Variants in DHX32 observed in about 807,000 individuals in gnomAD.
DHX32 encodes the protein DEAH-box helicase 32 (putative), also known as putative pre-mRNA-splicing factor ATP-dependent RNA helicase DHX32.
Under a neutral mutation model 70.0 loss-of-function variants are expected in DHX32, and 51 were observed. The observed-to-expected ratio is 0.73, with a 90% CI of 0.58 to 0.92. The LOEUF is 0.92. Among genes scored for constraint, DHX32 ranks in the 40% least tolerant of loss-of-function variants. DHX32 has a pLI of 0.00. For synonymous variants in DHX32, 310 were observed against 315.3 expected (o/e 0.98, Z 0.18); for missense variants, 762 against 891.8 (o/e 0.85, Z 1.85).
intron 6 of DHX32, among the ~76,000 whole-genome samples, chr10:125,849,930 A>G (rs1347808679): frequency 6.6e-6 from 1 of 152,056 alleles, no homozygotes; most frequent in African/African-American, 2.4e-5. Flanking sequence ...CTCTGGTGAA[A>G]GATCTGCACC....
rs1944122696 is a variant in DHX32, at chr10:125,853,871, T to C, written c.1092+90A>G. ...AATCCCCAGGTCACATAGTTCATCC[T>C]CACTTCCTGATCAGTAAAATGGTAG... On this transcript the variant is annotated intron_variant, in intron 4 of 10. Transcript: ENST00000284690. 3 of 1,483,242 alleles carry C rather than the reference T, an allele frequency of 2.0e-6. No homozygotes were observed. The South Asian group carries it at 4.1e-5, about 20-fold the overall frequency. The allele number at this position is 1,483,242 out of a possible 1,614,324, so 91.9% of individuals were successfully genotyped here.
chr10:125,851,692 C>T (rs566607735), intron 6 of DHX32, among the ~76,000 whole-genome samples: 9 of 152,194 alleles, frequency 5.9e-5, no homozygotes, highest in South Asian at 2.1e-4. Context: ...GCTGGTTATT[C>T]TGAGAAACTG....
intron 3 of DHX32, among the ~76,000 whole-genome samples, chr10:125,855,424 A>C (rs1475905060): frequency 6.7e-6 from 1 of 149,820 alleles, no homozygotes; most frequent in Non-Finnish European, 1.5e-5. Flanking sequence ...CCCATTCATG[A>C]GCAATTTCCT....
chr10:125,889,115 C>A (rs149450641), intron 1 of DHX32, among the ~76,000 whole-genome samples: 5 of 152,220 alleles, frequency 3.3e-5, no homozygotes, highest in African/African-American at 1.2e-4. Flanking sequence ...AGGAAACATC[C>A]GTCTATATTG....
chr10:125,892,018 TG>T (rs1226916447), intron 1 of DHX32, among the ~76,000 whole-genome samples: 2 of 152,200 alleles, frequency 1.3e-5, no homozygotes, highest in Non-Finnish European at 2.9e-5. Flanking sequence ...CAGACCCACA[TG>T]TCCAACTACT....
chr10:125,888,546 G>A (rs1433366109), intron 1 of DHX32, among the ~76,000 whole-genome samples: 1 of 152,168 alleles, frequency 6.6e-6, no homozygotes, highest in Non-Finnish European at 1.5e-5. Context: ...TCATATATTT[G>A]CATGAAGGGT....
intron 2 of DHX32, among the ~76,000 whole-genome samples, chr10:125,861,041 C>T (rs1007815297): frequency 2.0e-5 from 3 of 151,888 alleles, no homozygotes; most frequent in Admixed American, 6.6e-5. Context: ...CGTGAGCCAC[C>T]GCGCCCGGCC....
Position 125,859,677 on chromosome 10 carries a change from T to C in DHX32, c.775A>G (p.Ile259Val), listed in dbSNP as rs985619832. The C allele has an allele frequency of 4.3e-6, 7 of 1,613,296 alleles. No homozygotes were observed. In the East Asian group the frequency reaches 1.1e-4, roughly 26 times the overall value. The change falls in exon 3 of 11, where the codon ATT (isoleucine) becomes GTT (valine). Residue 259 changes from isoleucine (I) to valine (V), a missense_variant. By Grantham distance (29) the Ile-to-Val change is conservative. This residue lies in a region of DHX32 where 394 missense variants were observed against 473.1 expected (regional missense o/e 0.83). Coordinates refer to ENST00000284690, the MANE Select transcript of DHX32 (RefSeq NM_018180.3). ...TGAATTTCAAAGATAAGGCGTAAAA[T>C]AGACTCAAAAGAATCCTTTTGAGCC... Reference protein sequence around the residue: ...SEAQKDSFESILRLIFEIHHS... With the variant: ...SEAQKDSFESVLRLIFEIHHS...
At chr10:125,853,089 A>G in intron 4 of DHX32, 1 of 1,454,340 alleles carries the variant, frequency 6.9e-7, no homozygotes, top group Non-Finnish European at 9.5e-7. Context: ...CTAATACAGA[A>G]ACTGCGTATG....
chr10:125,876,205 C>T (rs1465599792), intron 1 of DHX32, among the ~76,000 whole-genome samples: 1 of 152,176 alleles, frequency 6.6e-6, no homozygotes, highest in Non-Finnish European at 1.5e-5. Flanking sequence ...ATTCCTTAGC[C>T]CCCTGCCCAC....
At chr10:125,881,795 C>T (rs946396720), upstream of DHX32, among the ~76,000 whole-genome samples, 1 of 152,154 alleles carries the variant, frequency 6.6e-6, no homozygotes, top group African/African-American at 2.4e-5. Flanking sequence ...GTGTACACCA[C>T]TATGTCCAGC....
chr10:125,853,783 G>A, intron 4 of DHX32, 178 bp downstream of exon 4: 2 of 664,416 alleles, frequency 3.0e-6, no homozygotes, highest in East Asian at 2.9e-5. Context: ...ACATGCTAAT[G>A]GAATCAAGAC....
chr10:125,872,999 A>G (rs10794029), intron 1 of DHX32, among the ~76,000 whole-genome samples: 118,347 of 152,220 alleles, frequency 0.78, 46,345 homozygotes, highest in South Asian at 0.82. Flanking sequence ...CTCCATTCCC[A>G]ACTCCGGGCA....
rs763285087 is a variant in DHX32 at position 125,841,754 on chromosome 10, G to C, written c.1532C>G (p.Ala511Gly). 6.2e-7 allele frequency: 1 copy of C among 1,609,302 alleles called. No individual in the cohort carries two copies. Among genetic ancestry groups the C allele is most frequent in the South Asian group, 1.1e-5 (1 of 89,146 alleles). The change falls in exon 7 of 11, where the codon GCC becomes GGC. Residue 511 changes from alanine to glycine, a missense_variant. Around this residue, in one of 3 missense-constraint regions of DHX32, gnomAD observed 366 missense variants for 402.6 expected, o/e 0.91. Transcript: ENST00000284690. The part of the protein sequence containing the change: ...DCVDEVLTIA[A>G]MVTAPNCFSH... ...GTCATTAAGGATACCTGTTACCATGGCTGCGATTGTTAGCACTTCATCTAC... is the reference window on the plus strand; with the variant it reads ...GTCATTAAGGATACCTGTTACCATGCCTGCGATTGTTAGCACTTCATCTAC...
chr10:125,896,477 A>C, upstream of DHX32: 4 of 1,167,188 alleles, frequency 3.4e-6, no homozygotes, highest in Non-Finnish European at 4.2e-6. Flanking sequence ...GCGGGTCCTC[A>C]CGCGCTCCCT....
intron 1 of DHX32, among the ~76,000 whole-genome samples, chr10:125,874,137 C>A (rs1381948902): frequency 6.6e-6 from 1 of 152,092 alleles, no homozygotes; most frequent in South Asian, 2.1e-4. Context: ...GTTTCTGCAC[C>A]AAAGACAGGT....
At position 125,891,027 on chromosome 10, in the gene DHX32, A is replaced by G. The variant is rs565659241; in HGVS notation, c.-248+5191T>C. Among the ~76,000 whole-genome samples the G allele has an allele frequency of 7.1e-3, 1,086 of 152,044 alleles. 13 individuals carry two copies. Among genetic ancestry groups the G allele is most frequent in the African/African-American group, 0.025 (1,023 of 41,442 alleles). On this transcript the variant is annotated intron_variant, in intron 1 of 2. Coordinates refer to the DHX32 transcript ENST00000415732. ...TGTTTATGTATAGTATTAATATACC[A>G]CTCCCTACAAATAAGTTTCTAAGTC...
chr10:125,853,075 A>G (rs757443851), intron 4 of DHX32: 2 of 1,332,244 alleles, frequency 1.5e-6, no homozygotes, highest in South Asian at 1.3e-5. Flanking sequence ...TCCAATCATA[A>G]CAGCTAATAC....
rs771386808 is a variant in DHX32 at position 125,867,005 on chromosome 10, T to C, written c.461A>G (p.Asn154Ser). 3.1e-6 allele frequency: 5 copies of C among 1,613,502 alleles called. No homozygotes were observed. The highest frequency in any genetic ancestry group is 3.3e-5 in the Admixed American group (2 of 59,960). ...ACAAACCAACCTCAGGATTGTTTCG[T>C]TGGTACAGCAGTTCTCGAAAGGGAT... ...YVIPFENCCT[N>S]ETILRYCTDD... is the part of the protein sequence containing the mutation. Residue 154 changes from asparagine (N) to serine (S), a missense_variant, in exon 2 of 11, where the codon AAC (asparagine) becomes AGC (serine). Physicochemically the swap from Asn to Ser is conservative, Grantham distance 46. Around this residue, in one of 3 missense-constraint regions of DHX32, gnomAD observed 394 missense variants for 473.1 expected, o/e 0.83. Transcript: ENST00000284690.
Sources: gnomAD v4.1 joint callset for allele counts (sites outside exome capture counted in the v4.1 genomes callset) on GRCh38, gnomAD v4.1.1 for gene constraint, gnomAD v4.1.1 regional missense constraint, MANE v1.5 for transcripts, NCBI Gene and HGNC (gene_info 2026-07-23, HGNC 2026-07-21) for gene names.